HERC1: variants seen among roughly 807,000 people sequenced by gnomAD.
HERC1 encodes probable E3 ubiquitin-protein ligase HERC1.
In HERC1, 160 loss-of-function variants were observed where a neutral mutation model predicts 554.3. The observed-to-expected ratio is 0.29, with a 90% CI of 0.25 to 0.33. HERC1 has a LOEUF of 0.33. HERC1 is among the 10% of genes least tolerant of loss of function. The probability of loss-of-function intolerance (pLI) is 1.00; values close to 1 mark genes in which losing one functional copy is unlikely to be tolerated. For missense variants in HERC1, 4,919 were observed against 5,918.5 expected, an observed-to-expected ratio of 0.83 and a Z score of 5.54; for synonymous variants, 2,175 against 2,131.7, an observed-to-expected ratio of 1.02 and a Z score of -0.56.
chr15:63,696,152 C>T lies in HERC1; in HGVS notation c.5093G>A (p.Gly1698Glu). 2 of 1,613,376 alleles carry T rather than the reference C, an allele frequency of 1.2e-6. No homozygotes were observed. Among genetic ancestry groups the T allele is most frequent in the Non-Finnish European group, 1.7e-6 (2 of 1,179,550 alleles). ...LGTVGHTGGKGESGRLHHYQD... is the reference protein window; with the variant it reads ...LGTVGHTGGKEESGRLHHYQD... The stretch of plus-strand genomic sequence containing the variant: ...ATAGTGATGCAATCGGCCACTCTCT[C>T]CCTTGCCTCCTGTGTGTCCAACAGT... The change falls in exon 27 of 78, where the codon GGA (glycine) becomes GAA (glutamate). Residue 1698 changes from glycine (G) to glutamate (E), a missense_variant. Around this residue, in one of 11 missense-constraint regions of HERC1, gnomAD observed 1,121 missense variants for 1,244.0 expected, o/e 0.90. Coordinates refer to ENST00000443617, the MANE Select transcript of HERC1 (RefSeq NM_003922.4).
At chr15:63,713,746 A>C in intron 22 of HERC1, 81 bp from the exon 23 acceptor site, 1 of 1,305,354 alleles carries the variant, frequency 7.7e-7, no homozygotes, top group Non-Finnish European at 1.0e-6. Flanking sequence ...ATAGTCAAAA[A>C]GTTTGGACCA....
At chr15:63,809,643 T>A (rs1052104857) in intron 1 of HERC1, among the ~76,000 whole-genome samples, 1 of 152,178 alleles carries the variant, frequency 6.6e-6, no homozygotes, top group Admixed American at 6.5e-5. Context: ...ATTGAACTTG[T>A]ACGGAGTTGA....
At chr15:63,765,459 C>T (rs1045441830) in intron 2 of HERC1, among the ~76,000 whole-genome samples, 1 of 152,134 alleles carries the variant, frequency 6.6e-6, no homozygotes, top group African/African-American at 2.4e-5. Flanking sequence ...GGAGATCGGA[C>T]ATGCCTCATT....
At chr15:63,624,838 A>G (rs1280603632) in intron 71 of HERC1, among the ~76,000 whole-genome samples, 1 of 152,206 alleles carries the variant, frequency 6.6e-6, no homozygotes, top group Non-Finnish European at 1.5e-5. Context: ...AAAACCTTAG[A>G]AAATACAGAG....
chr15:63,799,389 A>G (rs148610951), intron 1 of HERC1, among the ~76,000 whole-genome samples: 4,700 of 151,976 alleles, frequency 0.031, 232 homozygotes, highest in African/African-American at 0.11. Context: ...AGTCCCAGCT[A>G]CTCAGGAGGC....
chr15:63,730,769 A>G (rs8032617), intron 14 of HERC1, among the ~76,000 whole-genome samples: 1,844 of 152,354 alleles, frequency 0.012, 38 homozygotes, highest in African/African-American at 0.043. Flanking sequence ...TGATTTAGAG[A>G]GAGAGAACAA....
At chr15:63,806,631 T>C (rs374357693) in intron 1 of HERC1, among the ~76,000 whole-genome samples, 3 of 152,212 alleles carry the variant, frequency 2.0e-5, no homozygotes, top group African/African-American at 7.2e-5. Flanking sequence ...CTCAGAACAT[T>C]GTAGAAGAGG....
intron 37 of HERC1, among the ~76,000 whole-genome samples, chr15:63,675,543 G>A (rs764275759): frequency 4.1e-4 from 62 of 152,160 alleles, no homozygotes; most frequent in Non-Finnish European, 8.7e-4. Flanking sequence ...CAGGAGGTTG[G>A]TCAGATGTAG....
At chr15:63,823,362 G>A (rs1295635968) in intron 1 of HERC1, among the ~76,000 whole-genome samples, 1 of 152,212 alleles carries the variant, frequency 6.6e-6, no homozygotes, top group African/African-American at 2.4e-5. Context: ...AAATACAGAT[G>A]TAGAAGATTT....
At chr15:63,656,449 C>T in intron 48 of HERC1, 91 bp from the exon 49 acceptor site, 1 of 1,131,318 alleles carries the variant, frequency 8.8e-7, no homozygotes, top group East Asian at 2.4e-5. Context: ...ACAGCATCAA[C>T]AACCATAATA....
intron 1 of HERC1, among the ~76,000 whole-genome samples, chr15:63,822,848 T>A (rs2077752232): frequency 6.6e-6 from 1 of 152,062 alleles, no homozygotes; most frequent in South Asian, 2.1e-4. Flanking sequence ...AGAGCCAAGA[T>A]GATTTGCTAA....
intron 71 of HERC1, among the ~76,000 whole-genome samples, chr15:63,625,650 C>T (rs1004854408): frequency 4.7e-5 from 7 of 148,092 alleles, no homozygotes; most frequent in African/African-American, 1.0e-4. Flanking sequence ...GCTGAGATTG[C>T]GCCACTGCAC....
chr15:63,702,211 A>C (rs925973761), intron 25 of HERC1, among the ~76,000 whole-genome samples: 3 of 152,182 alleles, frequency 2.0e-5, no homozygotes. Flanking sequence ...ACACTACCAC[A>C]CGAGAATCAG....
chr15:63,696,241 GAA>G lies in HERC1; in HGVS notation c.5002_5003del (p.Phe1668ProfsTer46). On this transcript the variant is annotated frameshift_variant, in exon 27 of 78. Coordinates refer to ENST00000443617, the MANE Select transcript of HERC1 (RefSeq NM_003922.4). LOFTEE classifies it high-confidence loss of function. ...CAGACGTGAGTAGTGTGGAGGACTG[GAA>G]GCCTGAACTCAATCTGCTTCCTGCC... ...SLAGSRLSSG[F>X]QSSTLLTSVR... is the part of the protein sequence containing the mutation. 6.2e-7 allele frequency: 1 copy of G among 1,613,378 alleles called. No individual in the cohort carries two copies. The highest frequency in any genetic ancestry group is 8.5e-7 in the Non-Finnish European group (1 of 1,179,638).
intron 54 of HERC1, among the ~76,000 whole-genome samples, chr15:63,648,972 A>C (rs2069503686): frequency 6.6e-6 from 1 of 152,234 alleles, no homozygotes; most frequent in South Asian, 2.1e-4. Context: ...CAGTAAGAAG[A>C]AAGCAGACTT....
Position 63,698,816 on chromosome 15 carries a change from G to T in HERC1, c.4817C>A (p.Ala1606Asp). The change falls in exon 26 of 78, where the codon GCC (alanine) becomes GAC (aspartate). Residue 1606 changes from alanine (A) to aspartate (D), a missense_variant. Physicochemically the swap from Ala to Asp is moderately radical, Grantham distance 126. Coordinates refer to ENST00000443617, the MANE Select transcript of HERC1 (RefSeq NM_003922.4). ...TTCCTCTGGCTCTTTAAAACCTGGG[G>T]CATTCCCCACATCTCCACTCACAAA... ...VSFVSGDVGN[A>D]PGFKEPEESM... The T allele has an allele frequency of 6.2e-7, 1 of 1,613,884 alleles. No homozygotes were observed. Among genetic ancestry groups the T allele is most frequent in the East Asian group, 2.2e-5 (1 of 44,872 alleles).
intron 1 of HERC1, among the ~76,000 whole-genome samples, chr15:63,832,881 C>T (rs1465240064): frequency 6.6e-6 from 1 of 152,196 alleles, no homozygotes; most frequent in African/African-American, 2.4e-5. Flanking sequence ...TGAAATGCCA[C>T]CTCTGGAGAT....
chr15:63,619,987 A>ATC (rs1395723077), intron 74 of HERC1, among the ~76,000 whole-genome samples: 2 of 151,814 alleles, frequency 1.3e-5, no homozygotes, highest in Non-Finnish European at 2.9e-5. Flanking sequence ...TTGTGTCTCT[A>ATC]TCTCCTTCAG....
intron 1 of HERC1, among the ~76,000 whole-genome samples, chr15:63,814,716 G>A (rs543903991): frequency 8.5e-5 from 13 of 152,114 alleles, no homozygotes; most frequent in African/African-American, 3.1e-4. Context: ...TTATCTGCCC[G>A]CCTCGGCCTC....
Sources: allele counts gnomAD v4.1 joint callset (sites outside exome capture counted in the v4.1 genomes callset), GRCh38; gene constraint gnomAD v4.1.1; regional missense constraint gnomAD v4.1.1; transcripts MANE v1.5; gene names NCBI Gene and HGNC (gene_info 2026-07-23, HGNC 2026-07-21).